Variants in NUP155 observed in about 807,000 individuals in gnomAD.
NUP155 encodes nucleoporin 155.
In NUP155, 71 loss-of-function variants were observed where a neutral mutation model predicts 180.4. The ratio of observed to expected loss-of-function variants is 0.39; its 90% CI spans 0.33 to 0.48. NUP155 has a LOEUF of 0.48. Among genes scored for constraint, NUP155 ranks in the 20% least tolerant of loss-of-function variants. NUP155 has a pLI of 0.91. For missense variants in NUP155, 1,553 were observed against 1,648.9 expected (o/e 0.94, Z 1.01); for synonymous variants, 582 against 559.5 (o/e 1.04, Z -0.57).
intron 27 of NUP155, 85 bp from the exon 28 acceptor site, chr5:37,303,499 C>CAACT: frequency 8.9e-7 from 1 of 1,129,260 alleles, no homozygotes; most frequent in South Asian, 1.3e-5. Flanking sequence ...ATTTTTAAGT[C>CAACT]AACTACAACT....
intron 20 of NUP155, among the ~76,000 whole-genome samples, chr5:37,321,004 G>C (rs1744208327): frequency 6.6e-6 from 1 of 152,044 alleles, no homozygotes; most frequent in Non-Finnish European, 1.5e-5. Flanking sequence ...AAATGGGAAA[G>C]GGAAGAAAAT....
intron 5 of NUP155, 108 bp downstream of exon 5, chr5:37,352,629 A>C (rs1246539215): frequency 2.7e-6 from 2 of 738,026 alleles, no homozygotes; most frequent in Non-Finnish European, 2.4e-6. Context: ...ATAATCATTA[A>C]TGTGAGTCAA....
chr5:37,316,543 C>T (rs2150953976), intron 21 of NUP155, among the ~76,000 whole-genome samples: 1 of 152,262 alleles, frequency 6.6e-6, no homozygotes, highest in East Asian at 1.9e-4. Flanking sequence ...CGGCTCACTG[C>T]AACCTCCGCC....
chr5:37,325,828 T>C (rs1744567197), intron 19 of NUP155, 73 bp downstream of exon 19: 3 of 881,760 alleles, frequency 3.4e-6, no homozygotes, highest in Admixed American at 3.9e-5. Context: ...TATCAGGAAA[T>C]GTGAAACAAT....
chr5:37,311,979 C>A (rs1743558725), intron 22 of NUP155, among the ~76,000 whole-genome samples: 1 of 152,064 alleles, frequency 6.6e-6, no homozygotes, highest in Admixed American at 6.6e-5. Flanking sequence ...TCAGATTGCT[C>A]CACAGCACTC....
At chr5:37,309,370 T>C (rs902558744) in intron 23 of NUP155, 103 bp from the exon 24 acceptor site, 2 of 952,158 alleles carry the variant, frequency 2.1e-6, no homozygotes, top group African/African-American at 1.7e-5. Flanking sequence ...ATATGGTTAT[T>C]ACCATTAAAA....
At position 37,333,633 on chromosome 5, in the gene NUP155, T is replaced by A; in HGVS notation, c.1348A>T (p.Met450Leu). Residue 450 changes from methionine to leucine, a missense_variant and splice_region_variant, in exon 13 of 35, where the codon ATG becomes TTG. Physicochemically the swap from Met to Leu is conservative, Grantham distance 15. Transcript: ENST00000231498. ...GAATGACCATCAACACCAGCTGTCA[T>A]CTATGTAAAAGAAATAAATGTTTTA... ...PFQKPMMETQMTAGVDGHSWA... is the reference protein window; with the variant it reads ...PFQKPMMETQLTAGVDGHSWA... 3 of 1,612,148 alleles carry A rather than the reference T, an allele frequency of 1.9e-6. No individual in the cohort carries two copies. The highest frequency in any genetic ancestry group is 2.5e-6 in the Non-Finnish European group (3 of 1,178,662).
chr5:37,325,788 A>AAT, intron 19 of NUP155, 113 bp downstream of exon 19: 2 of 707,158 alleles, frequency 2.8e-6, no homozygotes, highest in Non-Finnish European at 4.8e-6. Flanking sequence ...AAAAAAAAAA[A>AAT]AAATAACCTT....
At chr5:37,350,887 A>C (rs1746413297) in intron 6 of NUP155, among the ~76,000 whole-genome samples, 1 of 152,046 alleles carries the variant, frequency 6.6e-6, no homozygotes, top group African/African-American at 2.4e-5. Flanking sequence ...ACATATTTGC[A>C]AAAGTGCATT....
chr5:37,295,554 A>G (rs1742492849), intron 32 of NUP155, among the ~76,000 whole-genome samples: 1 of 143,142 alleles, frequency 7.0e-6, no homozygotes, highest in South Asian at 2.3e-4. Context: ...CCCAGTCTGG[A>G]AAGTGAGGAG....
rs141977474 is a variant in NUP155, at chr5:37,328,404, A to G, written c.1830T>C (p.Ser610=). ...AGGATGGATTTGGATAGGGACTACC[A>G]CTAGGAACAGGAGAACCTAAAAAGG... ...SPVYSSSPVP[S]GSPYPNPSFL... The change falls in exon 17 of 35, where the codon AGT becomes AGC. Residue 610 remains serine, a synonymous_variant. Transcript: ENST00000231498. The G allele has an allele frequency of 6.2e-7, 1 of 1,604,990 alleles. No individual in the cohort carries two copies. Among genetic ancestry groups the G allele is most frequent in the African/African-American group, 1.3e-5 (1 of 74,724 alleles).
At chr5:37,364,771 A>G (rs1446501220) in intron 1 of NUP155, among the ~76,000 whole-genome samples, 2 of 151,610 alleles carry the variant, frequency 1.3e-5, no homozygotes, top group African/African-American at 4.8e-5. Flanking sequence ...CAAGTAGCTG[A>G]GACTACAGGC....
At chr5:37,331,016 G>T (rs980854695) in intron 14 of NUP155, among the ~76,000 whole-genome samples, 1 of 151,922 alleles carries the variant, frequency 6.6e-6, no homozygotes, top group African/African-American at 2.4e-5. Context: ...AGGCGTGGTG[G>T]GGGGGTCCTG....
chr5:37,370,217 C>T (rs565105929), intron 1 of NUP155, among the ~76,000 whole-genome samples: 15 of 152,044 alleles, frequency 9.9e-5, no homozygotes, highest in African/African-American at 3.6e-4. Flanking sequence ...TTAAAAAACA[C>T]AAAAATTAGC....
At chr5:37,302,257 G>C (rs1433086800) in intron 29 of NUP155, among the ~76,000 whole-genome samples, 1 of 152,160 alleles carries the variant, frequency 6.6e-6, no homozygotes, top group Non-Finnish European at 1.5e-5. Flanking sequence ...TTTTGAGACA[G>C]AGTCTCAGTC....
intron 9 of NUP155, among the ~76,000 whole-genome samples, chr5:37,347,927 GA>G (rs1415899099): frequency 6.6e-6 from 1 of 152,028 alleles, no homozygotes; most frequent in African/African-American, 2.4e-5. Flanking sequence ...ACGAGGTCAA[GA>G]GATCGAGACC....
chr5:37,303,285 G>A lies in NUP155; in HGVS notation c.3292C>T (p.Leu1098=). The A allele has an allele frequency of 6.2e-7, 1 of 1,614,128 alleles. No homozygotes were observed. The highest frequency in any genetic ancestry group is 8.5e-7 in the Non-Finnish European group (1 of 1,180,020). ...CTATGCATGTCAGCCAGTCTGGACA[G>A]TACACGAGCAGCATTACTGAAACTT... The part of the protein sequence containing the change: ...NRSFSNAARV[L]SRLADMHSTE... Residue 1098 remains leucine (L), a synonymous_variant, in exon 28 of 35, where the codon CTG becomes TTG. Coordinates refer to ENST00000231498, the MANE Select transcript of NUP155 (RefSeq NM_153485.3).
rs547588921 is a variant in NUP155, at chr5:37,351,366, A to G, written c.557-10T>C. The G allele has an allele frequency of 2.3e-5, 36 of 1,599,184 alleles. No individual in the cohort carries two copies. The East Asian group carries it at 7.8e-4, about 35-fold the overall frequency. On this transcript the variant is annotated splice_polypyrimidine_tract_variant and intron_variant, in intron 5 of 34. Transcript: ENST00000231498. ...TTAAGAACTCCAGAACCTATTTAAG[A>G]AAGAATACATAAATCAGTTTATTAG...
intron 9 of NUP155, among the ~76,000 whole-genome samples, chr5:37,344,378 A>G (rs570765503): frequency 1.3e-5 from 2 of 149,944 alleles, no homozygotes; most frequent in East Asian, 3.9e-4. Context: ...AAATATACAT[A>G]TATAAAATAC....
Sources: gnomAD v4.1 joint callset for allele counts (sites outside exome capture counted in the v4.1 genomes callset) on GRCh38, gnomAD v4.1.1 for gene constraint, MANE v1.5 for transcripts, NCBI Gene and HGNC (gene_info 2026-07-23, HGNC 2026-07-21) for gene names.